C1orf159: variants seen among roughly 807,000 people sequenced by gnomAD.
The protein encoded by C1orf159 is chromosome 1 open reading frame 159, also known as uncharacterized protein C1orf159.
A neutral mutation model predicts 25.6 loss-of-function variants in C1orf159; 19 were observed. The observed-to-expected ratio is 0.74, with a 90% CI of 0.52 to 1.09. The LOEUF (loss-of-function observed/expected upper bound fraction) is 1.09, where lower values mean the gene tolerates loss of function less well. Among genes scored for constraint, C1orf159 ranks in the 50% least tolerant of loss-of-function variants. The probability of loss-of-function intolerance (pLI) is 0.00; values close to 1 mark genes in which losing one functional copy is unlikely to be tolerated. For missense variants in C1orf159, 274 were observed against 290.6 expected, an observed-to-expected ratio of 0.94 and a Z score of 0.42; for synonymous variants, 139 against 124.7, an observed-to-expected ratio of 1.12 and a Z score of -0.77.
intron 1 of C1orf159, among the ~76,000 whole-genome samples, chr1:1,113,913 C>CTTT (rs763307791): frequency 7.3e-4 from 88 of 121,002 alleles, no homozygotes; most frequent in African/African-American, 1.8e-3. Flanking sequence ...CCCTCGAGGC[C>CTTT]TTTTTTTTTT....
intron 1 of C1orf159, among the ~76,000 whole-genome samples, chr1:1,094,322 G>A (rs765026320): frequency 1.1e-4 from 17 of 152,124 alleles, no homozygotes; most frequent in African/African-American, 2.4e-4. Context: ...AGAGGTGTGC[G>A]TCACCACCAC....
intron 1 of C1orf159, among the ~76,000 whole-genome samples, chr1:1,113,482 T>TC (rs1646289558): frequency 6.6e-6 from 1 of 152,114 alleles, no homozygotes; most frequent in African/African-American, 2.4e-5. Flanking sequence ...AGTCTCCACC[T>TC]CCGGGGCTGA....
chr1:1,105,851 G>A (rs1646163774), intron 1 of C1orf159: 1 of 152,040 alleles, frequency 6.6e-6, no homozygotes, highest in Non-Finnish European at 1.5e-5. Context: ...CTCCAGCCTG[G>A]GCTACAGAGC....
intron 1 of C1orf159, among the ~76,000 whole-genome samples, chr1:1,108,415 CA>C (rs2100774382): frequency 2.6e-5 from 3 of 113,672 alleles, no homozygotes; most frequent in African/African-American, 8.8e-5. Context: ...CACCATGTCT[CA>C]GCAGCACCGT....
intron 1 of C1orf159, among the ~76,000 whole-genome samples, chr1:1,099,596 T>C (rs1203277620): frequency 3.4e-5 from 5 of 148,836 alleles, no homozygotes; most frequent in African/African-American, 7.5e-5. Flanking sequence ...GGGTTGTCTA[T>C]TGATGTTTTT....
chr1:1,083,515 C>T (rs559866088), intron 9 of C1orf159: 234 of 239,840 alleles, frequency 9.8e-4, no homozygotes, highest in Admixed American at 2.2e-3. Context: ...AGACGGGCAA[C>T]GCAGCCACAG....
chr1:1,114,040 C>T (rs1646300182), intron 1 of C1orf159, among the ~76,000 whole-genome samples: 1 of 152,006 alleles, frequency 6.6e-6, no homozygotes, highest in African/African-American at 2.4e-5. Context: ...CCTCAGCCTC[C>T]TGAGTAGCTG....
chr1:1,102,162 A>T (rs1388218485), intron 1 of C1orf159, among the ~76,000 whole-genome samples: 1 of 151,790 alleles, frequency 6.6e-6, no homozygotes, highest in Non-Finnish European at 1.5e-5. Context: ...GGATTCTTAA[A>T]ACTAAACATT....
intron 1 of C1orf159, among the ~76,000 whole-genome samples, chr1:1,099,447 G>T: frequency 6.6e-6 from 1 of 151,398 alleles, no homozygotes; most frequent in African/African-American, 2.4e-5. Flanking sequence ...GTCTATTGAT[G>T]TTTTTGGTCG....
In C1orf159 at chr1:1,110,096, C is replaced by T. The variant is rs906543369; in HGVS notation, c.-136+5964G>A. Among the ~76,000 whole-genome samples the T allele has an allele frequency of 1.3e-5, 2 of 152,256 alleles. No homozygotes were observed. The highest frequency in any genetic ancestry group is 4.8e-5 in the African/African-American group (2 of 41,466). On this transcript the variant is annotated intron_variant, in intron 1 of 9. Coordinates refer to ENST00000421241, the MANE Select transcript of C1orf159 (RefSeq NM_017891.5). This position sits in a 1 kb window ranked among gnomAD's most constrained non-coding sequence, Gnocchi z 4.8. ...TAAGGGTGTGTGACTTAACCCCGGC[C>T]TGGCACGGCCTTAGGTCCTGATTAT...
intron 7 of C1orf159, 120 bp downstream of exon 7, chr1:1,085,758 C>T: frequency 7.7e-7 from 1 of 1,301,396 alleles, no homozygotes; most frequent in Non-Finnish European, 1.0e-6. Flanking sequence ...AGGCCCTGCT[C>T]CCTCCCGGCC....
At position 1,082,689 on chromosome 1, in the gene C1orf159, C is replaced by T. The variant is rs757660841; in HGVS notation, c.*204G>A. The T allele has an allele frequency of 1.8e-4, 104 of 590,932 alleles. No individual in the cohort carries two copies. Among genetic ancestry groups the T allele is most frequent in the African/African-American group, 1.7e-3 (91 of 53,426 alleles). The allele number at this position is 590,932 out of a possible 1,614,324, so 36.6% of individuals were successfully genotyped here. A position where few individuals can be genotyped will look rare whatever the true frequency, so the allele number is the denominator to read the frequency against. ...GGATGCCTGCTCCTGGTCCGATAAA[C>T]GAGATGGCTGTGGTGGGGAGGAGCC... On this transcript the variant is annotated 3_prime_UTR_variant, in exon 10 of 10. Coordinates refer to ENST00000421241, the MANE Select transcript of C1orf159 (RefSeq NM_017891.5).
intron 1 of C1orf159, among the ~76,000 whole-genome samples, chr1:1,107,747 C>A (rs1401097786): frequency 6.6e-6 from 1 of 152,142 alleles, no homozygotes. Context: ...CACTCGGGTC[C>A]CCTTCCACAC....
chr1:1,091,352 T>C (rs748834784), intron 3 of C1orf159, 120 bp downstream of exon 3: 2 of 997,050 alleles, frequency 2.0e-6, no homozygotes, highest in South Asian at 2.9e-5. Flanking sequence ...GGTCAGCACC[T>C]CTGGGGCTGG....
chr1:1,101,431 TGA>T (rs1557431655), intron 1 of C1orf159, among the ~76,000 whole-genome samples: 1 of 152,148 alleles, frequency 6.6e-6, no homozygotes, highest in African/African-American at 2.4e-5. Flanking sequence ...TGCAGTAAGC[TGA>T]GACTGTACCA....
At chr1:1,093,024 G>A (rs934107522) in intron 1 of C1orf159, among the ~76,000 whole-genome samples, 2 of 151,908 alleles carry the variant, frequency 1.3e-5, no homozygotes, top group African/African-American at 4.8e-5. Flanking sequence ...CCTGTGCAAG[G>A]GGAACTCCGT....
intron 1 of C1orf159, chr1:1,092,468 C>T (rs1294915974): frequency 1.3e-5 from 2 of 154,060 alleles, no homozygotes; most frequent in African/African-American, 4.8e-5. Context: ...GGACCTGTTA[C>T]CATGGCCCTG....
At chr1:1,103,775 G>C (rs964875458) in intron 1 of C1orf159, among the ~76,000 whole-genome samples, 3 of 152,154 alleles carry the variant, frequency 2.0e-5, no homozygotes, top group Non-Finnish European at 2.9e-5. Flanking sequence ...CTGTCGCCCA[G>C]GCAGAAATGC....
At chr1:1,091,915 A>C in intron 2 of C1orf159, 76 bp downstream of exon 2, 5 of 442,858 alleles carry the variant, frequency 1.1e-5, no homozygotes, top group Non-Finnish European at 1.8e-5. Flanking sequence ...GTGGAGCCAA[A>C]TGGAGGTGGG....
Sources: gnomAD v4.1 joint callset for allele counts (sites outside exome capture counted in the v4.1 genomes callset) on GRCh38, gnomAD v4.1.1 for gene constraint, Gnocchi (gnomAD v3.1) non-coding constraint, MANE v1.5 for transcripts, NCBI Gene and HGNC (gene_info 2026-07-23, HGNC 2026-07-21) for gene names.